Variants in ARHGDIA observed in about 807,000 individuals in gnomAD.
The protein encoded by ARHGDIA is Rho GDP dissociation inhibitor alpha.
A neutral mutation model predicts 25.0 loss-of-function variants in ARHGDIA; 9 were observed. That is an observed-to-expected ratio of 0.36 (90% CI 0.22 to 0.63). The LOEUF is 0.63. Among genes scored for constraint, ARHGDIA ranks in the 20% least tolerant of loss-of-function variants. The pLI, the probability that ARHGDIA is intolerant of heterozygous loss-of-function variation, is 0.69. For synonymous variants in ARHGDIA, 166 were observed against 111.5 expected, an observed-to-expected ratio of 1.49 and a Z score of -3.08; for missense variants, 239 against 264.3, an observed-to-expected ratio of 0.90 and a Z score of 0.66.
At position 81,868,426 on chromosome 17, in the gene ARHGDIA, G is replaced by T. The variant is rs953330818; in HGVS notation, c.*450C>A. The T allele has an allele frequency of 2.7e-6, 4 of 1,460,116 alleles. No individual in the cohort carries two copies. In the South Asian group the frequency reaches 5.5e-5, roughly 20 times the overall value. 90.4% of individuals were successfully genotyped at this position (1,460,116 alleles called of 1,614,324 possible). A position where few individuals can be genotyped will look rare whatever the true frequency, so the allele number is the denominator to read the frequency against. ...AGGGGGCTGGCCAGGGAGCAGCGGG[G>T]CTGGAGGACGGCCCGGCCCCCACGA... is the stretch of plus-strand genomic sequence containing the variant. On this transcript the variant is annotated 3_prime_UTR_variant, in exon 6 of 6. Coordinates refer to ENST00000269321, the MANE Select transcript of ARHGDIA (RefSeq NM_004309.6).
Position 81,868,784 on chromosome 17 carries a change from C to T in ARHGDIA, c.*92G>A. 1 of 1,516,082 alleles carries T rather than the reference C, an allele frequency of 6.6e-7. No individual in the cohort carries two copies. The highest frequency in any genetic ancestry group is 8.9e-7 in the Non-Finnish European group (1 of 1,119,992). 93.9% of individuals were successfully genotyped at this position (1,516,082 alleles called of 1,614,324 possible). A position where few individuals can be genotyped will look rare whatever the true frequency, so the allele number is the denominator to read the frequency against. On this transcript the variant is annotated 3_prime_UTR_variant, in exon 6 of 6. Coordinates refer to ENST00000269321, the MANE Select transcript of ARHGDIA (RefSeq NM_004309.6). Reference sequence around the variant, plus strand: ...GGGAGGGGCACGGAGGGCCTGTCAGCACTTTGGTATGGGGAGGGGAGGGGC... The same window carrying T: ...GGGAGGGGCACGGAGGGCCTGTCAGTACTTTGGTATGGGGAGGGGAGGGGC...
Position 81,868,289 on chromosome 17 carries a change from A to G in ARHGDIA, c.*587T>C. The G allele has an allele frequency of 7.5e-7, 1 of 1,332,270 alleles. No individual in the cohort carries two copies. Among genetic ancestry groups the G allele is most frequent in the East Asian group, 2.6e-5 (1 of 37,998 alleles). The allele number at this position is 1,332,270 out of a possible 1,614,324, so 82.5% of individuals were successfully genotyped here. A position where few individuals can be genotyped will look rare whatever the true frequency, so the allele number is the denominator to read the frequency against. The stretch of plus-strand genomic sequence containing the variant: ...GGGTCACTGGGTTCGCCACCGGGGA[A>G]GGGACGGGGAGGCCACATGCTCATG... On this transcript the variant is annotated 3_prime_UTR_variant, in exon 6 of 6. Transcript: ENST00000269321.
rs2039143793 is a variant in ARHGDIA at position 81,868,676 on chromosome 17, A to G, written c.*200T>C. On this transcript the variant is annotated 3_prime_UTR_variant, in exon 6 of 6. Coordinates refer to ENST00000269321, the MANE Select transcript of ARHGDIA (RefSeq NM_004309.6). The stretch of plus-strand genomic sequence containing the variant: ...GCAGCAACGAGACAGGAGACCGAGG[A>G]GGCTGGGCCTGTGGGTGGGGGAGGG... 5 of 1,534,114 alleles carry G rather than the reference A, an allele frequency of 3.3e-6. No individual in the cohort carries two copies. Among genetic ancestry groups the G allele is most frequent in the Non-Finnish European group, 4.4e-6 (5 of 1,146,624 alleles).
At position 81,869,722 on chromosome 17, in the gene ARHGDIA, T is replaced by A; in HGVS notation, c.190+19A>T. The A allele has an allele frequency of 6.2e-7, 1 of 1,605,182 alleles. No individual in the cohort carries two copies. The highest frequency in any genetic ancestry group is 8.5e-7 in the Non-Finnish European group (1 of 1,176,010). On this transcript the variant is annotated intron_variant, in intron 2 of 5. Coordinates refer to ENST00000269321, the MANE Select transcript of ARHGDIA (RefSeq NM_004309.6). Reference sequence around the variant, plus strand: ...TGGAGTGAACGGGCGGCCACCCGGCTCCCGCAGCCCAGACTCACCTGCGGA... The same window carrying A: ...TGGAGTGAACGGGCGGCCACCCGGCACCCGCAGCCCAGACTCACCTGCGGA...
In ARHGDIA at chr17:81,868,558, G is replaced by C; in HGVS notation, c.*318C>G. 1.4e-5 allele frequency: 22 copies of C among 1,535,004 alleles called. No individual in the cohort carries two copies. Among genetic ancestry groups the C allele is most frequent in the Non-Finnish European group, 1.9e-5 (22 of 1,146,460 alleles). On this transcript the variant is annotated 3_prime_UTR_variant, in exon 6 of 6. Transcript: ENST00000269321. ...CTGCTCCGCTCCCTCCTGAAGCCAGGCCTCGGGTGTGACGGGGAGATAGAA... is the reference window on the plus strand; with the variant it reads ...CTGCTCCGCTCCCTCCTGAAGCCAGCCCTCGGGTGTGACGGGGAGATAGAA...
In ARHGDIA at chr17:81,868,487, C is replaced by G. The variant is rs1472979331; in HGVS notation, c.*389G>C. On this transcript the variant is annotated 3_prime_UTR_variant, in exon 6 of 6. Coordinates refer to ENST00000269321, the MANE Select transcript of ARHGDIA (RefSeq NM_004309.6). ...CCCACACCCCAGCTCCACCCCGGAG[C>G]AGCAGACGCACACGTCCAGGGGCAA... 3.9e-6 allele frequency: 6 copies of G among 1,524,812 alleles called. No homozygotes were observed. Among genetic ancestry groups the G allele is most frequent in the Non-Finnish European group, 5.3e-6 (6 of 1,139,978 alleles). 94.5% of individuals were successfully genotyped at this position (1,524,812 alleles called of 1,614,324 possible).
chr17:81,869,294 G>T, intron 4 of ARHGDIA, 36 bp downstream of exon 4: 1 of 1,613,622 alleles, frequency 6.2e-7, no homozygotes, highest in Non-Finnish European at 8.5e-7. Context: ...CCCCAGCCCC[G>T]CCTCCATTCC....
chr17:81,868,317 GAC>G lies in ARHGDIA; in HGVS notation c.*557_*558del. On this transcript the variant is annotated 3_prime_UTR_variant, in exon 6 of 6. Transcript: ENST00000269321. The stretch of plus-strand genomic sequence containing the variant: ...GACGGGGAGGCCACATGCTCATGCA[GAC>G]ACAGGGAGTTAGAGGCTAGTGAGGC... 1 of 1,412,370 alleles carries G rather than the reference GAC, an allele frequency of 7.1e-7. No individual in the cohort carries two copies. Among genetic ancestry groups the G allele is most frequent in the South Asian group, 1.6e-5 (1 of 64,222 alleles). 87.5% of individuals were successfully genotyped at this position (1,412,370 alleles called of 1,614,324 possible).
rs770446065 is a variant in ARHGDIA, at chr17:81,869,801, C to G, written c.130G>C (p.Asp44His). 6.2e-7 allele frequency: 1 copy of G among 1,614,128 alleles called. No individual in the cohort carries two copies. The change falls in exon 2 of 6, where the codon GAC becomes CAC. Residue 44 changes from aspartate (D) to histidine (H), a missense_variant. Transcript: ENST00000269321. ...TTGTACTTTCGCAGGCTCTCGTCGT[C>G]CTTGTCCAGCTCCTGGATCTCCTGG... is the stretch of plus-strand genomic sequence containing the variant. ...SIQEIQELDK[D>H]DESLRKYKEA...
Position 81,869,135 on chromosome 17 carries a change from C to G in ARHGDIA, c.415+38G>C. 1.9e-6 allele frequency: 3 copies of G among 1,613,218 alleles called. No homozygotes were observed. The South Asian group carries it at 3.3e-5, about 18-fold the overall frequency. Reference sequence around the variant, plus strand: ...GCTTCCCCGCCTGGCAGCACGCACCCAAGCGGCCCCCTCTGCCCTGCCCGG... The same window carrying G: ...GCTTCCCCGCCTGGCAGCACGCACCGAAGCGGCCCCCTCTGCCCTGCCCGG... On this transcript the variant is annotated intron_variant, in intron 5 of 5. Transcript: ENST00000269321.
rs1567852350 is a variant in ARHGDIA, at chr17:81,869,533, G to GACCCCC, written c.274+8_274+9insGGGGGT. ...GCCGCCCGGACCCCCGCGGCCGCAG[G>GACCCCC]GCACTCACCCGTCAGGTCCAGCTCC... On this transcript the variant is annotated intron_variant, in intron 3 of 5. Transcript: ENST00000269321. 6.3e-7 allele frequency: 1 copy of GACCCCC among 1,597,294 alleles called. No individual in the cohort carries two copies.
chr17:81,871,023 C>T (rs1182555366), intron 1 of ARHGDIA: 3 of 149,668 alleles, frequency 2.0e-5, no homozygotes, highest in Non-Finnish European at 4.5e-5. Context: ...GGGGCCGGCA[C>T]TCCCCTGGTC....
chr17:81,869,447 C>G (rs369031018), intron 3 of ARHGDIA, 41 bp from the exon 4 acceptor site: 1 of 1,612,886 alleles, frequency 6.2e-7, no homozygotes, highest in Non-Finnish European at 8.5e-7. Context: ...CCCAGCAGCC[C>G]TGCGCGAAGC....
In ARHGDIA at chr17:81,868,433, G is replaced by A. The variant is rs1032192506; in HGVS notation, c.*443C>T. On this transcript the variant is annotated 3_prime_UTR_variant, in exon 6 of 6. Transcript: ENST00000269321. The stretch of plus-strand genomic sequence containing the variant: ...TGGCCAGGGAGCAGCGGGGCTGGAG[G>A]ACGGCCCGGCCCCCACGAGGCCGTG... 10 of 1,463,282 alleles carry A rather than the reference G, an allele frequency of 6.8e-6. No individual in the cohort carries two copies. Among genetic ancestry groups the A allele is most frequent in the South Asian group, 4.1e-5 (3 of 73,542 alleles). The allele number at this position is 1,463,282 out of a possible 1,614,324, so 90.6% of individuals were successfully genotyped here.
chr17:81,870,747 G>C (rs1013530140), intron 1 of ARHGDIA: 2 of 152,208 alleles, frequency 1.3e-5, no homozygotes, highest in Non-Finnish European at 2.9e-5. Flanking sequence ...GCTTCCTCCA[G>C]GGGCTGGGGC....
chr17:81,868,907 T>C lies in ARHGDIA; in HGVS notation c.584A>G (p.Asn195Ser). Residue 195 changes from asparagine (N) to serine (S), a missense_variant, in exon 6 of 6, where the codon AAT becomes AGT. By Grantham distance (46) the Asn-to-Ser change is conservative (BLOSUM62 1). Around this residue, in one of 3 missense-constraint regions of ARHGDIA, gnomAD observed 29 missense variants for 22.0 expected, o/e 1.32. Transcript: ENST00000269321. ...CTTCCAGTCCTTCTTGATGGTGAGA[T>C]TCCACTCCCAGGACAGGTGGTCGGT... ...DKTDHLSWEWNLTIKKDWKD is the reference protein window; with the variant it reads ...DKTDHLSWEWSLTIKKDWKD 1 of 1,613,536 alleles carries C rather than the reference T, an allele frequency of 6.2e-7. No homozygotes were observed. The highest frequency in any genetic ancestry group is 1.1e-5 in the South Asian group (1 of 91,070).
intron 1 of ARHGDIA, among the ~76,000 whole-genome samples, chr17:81,870,484 C>T (rs894670842): frequency 6.6e-6 from 1 of 152,184 alleles, no homozygotes; most frequent in Non-Finnish European, 1.5e-5. Flanking sequence ...GAATACCGCA[C>T]GGGGCCACCT....
At chr17:81,869,106 C>T (rs932073483) in intron 5 of ARHGDIA, 31 bp from the exon 6 acceptor site, 33 of 1,612,774 alleles carry the variant, frequency 2.0e-5, no homozygotes, top group Non-Finnish European at 2.6e-5. Context: ...CGGTCAGCGG[C>T]CCCGCTTCCC....
rs1272652675 is a variant in ARHGDIA at position 81,868,695 on chromosome 17, G to A, written c.*181C>T. On this transcript the variant is annotated 3_prime_UTR_variant, in exon 6 of 6. Coordinates refer to ENST00000269321, the MANE Select transcript of ARHGDIA (RefSeq NM_004309.6). ...CCGAGGAGGCTGGGCCTGTGGGTGG[G>A]GGAGGGCTGAGGAGGGGGGTCGGAG... 4 of 1,534,512 alleles carry A rather than the reference G, an allele frequency of 2.6e-6. No individual in the cohort carries two copies. Among genetic ancestry groups the A allele is most frequent in the South Asian group, 1.2e-5 (1 of 83,268 alleles).
Sources: gnomAD v4.1 joint callset for allele counts (sites outside exome capture counted in the v4.1 genomes callset) on GRCh38, gnomAD v4.1.1 for gene constraint, gnomAD v4.1.1 regional missense constraint, MANE v1.5 for transcripts, NCBI Gene and HGNC (gene_info 2026-07-23, HGNC 2026-07-21) for gene names.